The following DNAH7 variants were observed in gnomAD, a reference collection of about 807,000 sequenced individuals.
DNAH7 encodes the protein dynein axonemal heavy chain 7, also known as axonemal beta dynein heavy chain 7.
DNAH7 carries 397 observed loss-of-function variants against 444.6 expected under a neutral mutation model. That is an observed-to-expected ratio of 0.89 (90% confidence interval 0.82 to 0.97). The LOEUF is 0.97. Among genes scored for constraint, DNAH7 ranks in the 50% least tolerant of loss-of-function variants. The pLI, the probability that DNAH7 is intolerant of heterozygous loss-of-function variation, is 0.00. For synonymous variants in DNAH7, 1,636 were observed against 1,624.4 expected (o/e 1.01, Z -0.17); for missense variants, 4,902 against 4,800.8 (o/e 1.02, Z -0.62).
intron 10 of DNAH7, among the ~76,000 whole-genome samples, chr2:196,003,822 T>C (rs1694196074): frequency 3.3e-5 from 5 of 152,190 alleles, no homozygotes; most frequent in Admixed American, 2.6e-4. Flanking sequence ...CAAACAAAGA[T>C]GACAATGCTA....
At chr2:195,885,991 G>T (rs2125196554) in intron 34 of DNAH7, 150 bp downstream of exon 34, 1 of 878,778 alleles carries the variant, frequency 1.1e-6, no homozygotes, top group Non-Finnish European at 1.7e-6. Flanking sequence ...TCAGAATTTG[G>T]GGCCTGGCTC....
intron 61 of DNAH7, among the ~76,000 whole-genome samples, chr2:195,761,577 T>G (rs774225199): frequency 1.1e-4 from 16 of 152,010 alleles, no homozygotes; most frequent in Non-Finnish European, 1.8e-4. Flanking sequence ...GAAAGGATCC[T>G]AAAAACAGTA....
At chr2:196,047,896 G>A (rs944105819) in intron 4 of DNAH7, among the ~76,000 whole-genome samples, 3 of 151,660 alleles carry the variant, frequency 2.0e-5, no homozygotes, top group Non-Finnish European at 4.4e-5. Flanking sequence ...CATTTAATGA[G>A]TCAAAATAAT....
At chr2:195,843,412 A>AT (rs1466909733) in intron 47 of DNAH7, among the ~76,000 whole-genome samples, 2 of 152,136 alleles carry the variant, frequency 1.3e-5, no homozygotes, top group Non-Finnish European at 2.9e-5. Flanking sequence ...AAGCTTAGTG[A>AT]TTTTTTCTCT....
chr2:195,997,238 C>A (rs1020446836), intron 12 of DNAH7, among the ~76,000 whole-genome samples: 2 of 152,160 alleles, frequency 1.3e-5, no homozygotes, highest in Non-Finnish European at 2.9e-5. Flanking sequence ...TGGGGCCACG[C>A]ATGGTGGCTC....
intron 40 of DNAH7, among the ~76,000 whole-genome samples, chr2:195,867,845 G>A (rs920608798): frequency 2.0e-5 from 3 of 152,134 alleles, no homozygotes; most frequent in African/African-American, 7.2e-5. Context: ...GGATATTTGG[G>A]TTGTTTCTAC....
intron 40 of DNAH7, among the ~76,000 whole-genome samples, chr2:195,865,815 C>A (rs1250972352): frequency 6.6e-6 from 1 of 151,928 alleles, no homozygotes; most frequent in Non-Finnish European, 1.5e-5. Context: ...AAGGGTAGGG[C>A]CCTAATCTTA....
chr2:195,794,293 A>G (rs1371399915), intron 57 of DNAH7, 45 bp downstream of exon 57: 3 of 1,595,732 alleles, frequency 1.9e-6, no homozygotes, highest in Non-Finnish European at 2.6e-6. Flanking sequence ...GGGCCACTTG[A>G]AGTGCTTTAC....
chr2:195,984,604 A>T, intron 15 of DNAH7, 28 bp downstream of exon 15: 5 of 1,583,828 alleles, frequency 3.2e-6, no homozygotes, highest in Non-Finnish European at 4.3e-6. Flanking sequence ...TGATACACAC[A>T]CAATTATGGA....
chr2:196,019,177 TAG>T lies in DNAH7; in HGVS notation c.860_861del (p.Thr287LysfsTer3). 1 of 1,482,224 alleles carries T rather than the reference TAG, an allele frequency of 6.7e-7. No homozygotes were observed. 91.8% of individuals were successfully genotyped at this position (1,482,224 alleles called of 1,614,324 possible). On this transcript the variant is annotated frameshift_variant, in exon 9 of 65. Transcript: ENST00000312428. LOFTEE classifies it high-confidence loss of function. ...TMLAVLDLWHTNFKKLRLVDI... is the reference protein window; with the variant it reads ...TMLAVLDLWHXNFKKLRLVDI... ...AAGGCCACATATACTCACTTAAAAT[TAG>T]TGTGCCACAAATCTAGTACAGCCAG...
At chr2:195,976,816 G>A (rs191283993) in intron 15 of DNAH7, among the ~76,000 whole-genome samples, 1 of 136,522 alleles carries the variant, frequency 7.3e-6, no homozygotes, top group Non-Finnish European at 1.6e-5. Flanking sequence ...AGAAATTAAG[G>A]GAAGAGAATA....
chr2:195,898,214 A>T (rs1273403627), intron 28 of DNAH7, among the ~76,000 whole-genome samples: 1 of 152,210 alleles, frequency 6.6e-6, no homozygotes, highest in Non-Finnish European at 1.5e-5. Context: ...TTTGATGCCA[A>T]GGCCTTTTCT....
intron 60 of DNAH7, among the ~76,000 whole-genome samples, chr2:195,775,157 T>C (rs570722321): frequency 6.6e-6 from 1 of 152,222 alleles, no homozygotes. Context: ...ACAAGCAAGA[T>C]TAGCAGATGT....
chr2:195,804,053 G>C (rs137949725), intron 54 of DNAH7, among the ~76,000 whole-genome samples: 1,435 of 99,020 alleles, frequency 0.014, 25 homozygotes, highest in African/African-American at 0.046. Flanking sequence ...TGAGGGGAGA[G>C]GGGGGGAAGG....
chr2:195,989,135 C>T (rs1693127021), intron 12 of DNAH7, among the ~76,000 whole-genome samples: 1 of 152,160 alleles, frequency 6.6e-6, no homozygotes, highest in African/African-American at 2.4e-5. Context: ...ATGAATAGTG[C>T]TGTAATAAAC....
intron 63 of DNAH7, among the ~76,000 whole-genome samples, chr2:195,745,157 T>A (rs1297676164): frequency 3.9e-5 from 6 of 152,104 alleles, no homozygotes; most frequent in Non-Finnish European, 8.8e-5. Flanking sequence ...GAGAAGTGCT[T>A]AAAGGAGCTG....
chr2:195,864,767 T>C lies in DNAH7; in HGVS notation c.6888A>G (p.Val2296=), dbSNP rs372856242. ...IADVDNLRMI[V]EIHLEEYNNI... ...TGTTGTATTCTTCTAGGTGAATTTC[T>C]ACTATCATTCGAAGATTATCCACAT... The change falls in exon 41 of 65, where the codon GTA becomes GTG. Residue 2296 remains valine, a synonymous_variant. Transcript: ENST00000312428. 1.1e-4 allele frequency: 172 copies of C among 1,614,126 alleles called. No homozygotes were observed. Among genetic ancestry groups the C allele is most frequent in the Middle Eastern group, 1.6e-4 (1 of 6,084 alleles).
At position 195,891,669 on chromosome 2, in the gene DNAH7, A is replaced by T; in HGVS notation, c.5032T>A (p.Phe1678Ile). The change falls in exon 31 of 65, where the codon TTT (phenylalanine) becomes ATT (isoleucine). Residue 1678 changes from phenylalanine (F) to isoleucine (I), a missense_variant. Phe to Ile is a conservative substitution (Grantham distance 21). Transcript: ENST00000312428. ...DGVLAVSFRA[F>I]ASSVTPDRKW... ...TTAGAACTTACCACTGAAGAGGCAA[A>T]TGCTCTAAAACTGACAGCAAGGACC... 1 of 1,590,624 alleles carries T rather than the reference A, an allele frequency of 6.3e-7. No individual in the cohort carries two copies. The highest frequency in any genetic ancestry group is 1.3e-5 in the African/African-American group (1 of 74,118).
rs761206494 is a variant in DNAH7 at position 195,984,676 on chromosome 2, C to T, written c.1789G>A (p.Ala597Thr). 1.2e-6 allele frequency: 2 copies of T among 1,613,928 alleles called. No individual in the cohort carries two copies. The highest frequency in any genetic ancestry group is 1.7e-6 in the Non-Finnish European group (2 of 1,179,944). ...GCTGTATTTGGAGGAGTGCTAAGAG[C>T]TTTTTCAGCTATCCTCTCAAATTCA... ...CDEFERIAEK[A>T]LSTPPNTAEL... Residue 597 changes from alanine to threonine, a missense_variant, in exon 15 of 65, where the codon GCT (alanine) becomes ACT (threonine). Physicochemically the swap from Ala to Thr is moderately conservative, Grantham distance 58. Transcript: ENST00000312428.
Sources: gnomAD v4.1 joint callset for allele counts (sites outside exome capture counted in the v4.1 genomes callset) on GRCh38, gnomAD v4.1.1 for gene constraint, MANE v1.5 for transcripts, NCBI Gene and HGNC (gene_info 2026-07-23, HGNC 2026-07-21) for gene names.